The following TBC1D16 variants were observed in gnomAD, a reference collection of about 807,000 sequenced individuals.
The protein encoded by TBC1D16 is CTD-2529O21.1.
In TBC1D16, 58 loss-of-function variants were observed where a neutral mutation model predicts 74.7. The ratio of observed to expected loss-of-function variants is 0.78; its 90% CI spans 0.63 to 0.97. The LOEUF is 0.97. Among genes scored for constraint, TBC1D16 ranks in the 50% least tolerant of loss-of-function variants. The pLI, the probability that TBC1D16 is intolerant of heterozygous loss-of-function variation, is 0.00. For synonymous variants in TBC1D16, 493 were observed against 474.7 expected, an observed-to-expected ratio of 1.04 and a Z score of -0.50; for missense variants, 1,014 against 1,079.5, an observed-to-expected ratio of 0.94 and a Z score of 0.85.
At position 79,944,552 on chromosome 17, in the gene TBC1D16, G is replaced by A. The variant is rs2032342991; in HGVS notation, c.1908+356C>T. Among the ~76,000 whole-genome samples, 1 of 152,192 alleles carries A rather than the reference G, an allele frequency of 6.6e-6. No homozygotes were observed. The highest frequency in any genetic ancestry group is 1.5e-5 in the Non-Finnish European group (1 of 68,038). Reference sequence around the variant, plus strand: ...CCTCGTGGCAGGGCGGTCCCGAGGGGGTGGAGCGGTGCTGGCTCACGCTCG... The same window carrying A: ...CCTCGTGGCAGGGCGGTCCCGAGGGAGTGGAGCGGTGCTGGCTCACGCTCG... On this transcript the variant is annotated intron_variant, in intron 10 of 11. Transcript: ENST00000310924. The surrounding 1 kb of genome is among the most constrained non-coding windows in gnomAD (Gnocchi z 7.7).
At chr17:79,977,225 G>A (rs557131980) in intron 3 of TBC1D16, among the ~76,000 whole-genome samples, 4 of 152,278 alleles carry the variant, frequency 2.6e-5, no homozygotes, top group South Asian at 4.1e-4. Context: ...CTCAGTAAGC[G>A]AAGAGAAGGG....
intron 6 of TBC1D16, 86 bp from the exon 7 acceptor site, chr17:79,949,951 G>A: frequency 6.7e-7 from 1 of 1,486,592 alleles, no homozygotes; most frequent in Non-Finnish European, 9.1e-7. Flanking sequence ...TGTTTTGGTG[G>A]TTTTTGGTGC....
At chr17:79,989,036 T>C (rs1471986709) in intron 3 of TBC1D16, among the ~76,000 whole-genome samples, 1 of 152,158 alleles carries the variant, frequency 6.6e-6, no homozygotes, top group Admixed American at 6.5e-5. Flanking sequence ...AAAAACACCA[T>C]GATTAGGGAA....
chr17:79,941,268 C>T lies in TBC1D16; in HGVS notation c.2056-161G>A, dbSNP rs914869970. Among the ~76,000 whole-genome samples, 3 of 152,202 alleles carry T rather than the reference C, an allele frequency of 2.0e-5. No individual in the cohort carries two copies. The highest frequency in any genetic ancestry group is 2.9e-5 in the Non-Finnish European group (2 of 68,022). ...GGGCTCTGCCTGCATCTCCCACCAT[C>T]ACCGGCACCACGGGGCCCTGGGTCT... is the stretch of plus-strand genomic sequence containing the variant. On this transcript the variant is annotated intron_variant, in intron 11 of 11. Coordinates refer to ENST00000310924, the MANE Select transcript of TBC1D16 (RefSeq NM_019020.4). The surrounding 1 kb of genome is among the most constrained non-coding windows in gnomAD (Gnocchi z 4.3).
rs1003195224 is a variant in TBC1D16, at chr17:80,013,525, C to A, written c.23G>T (p.Arg8Leu). 2 of 1,545,838 alleles carry A rather than the reference C, an allele frequency of 1.3e-6. No individual in the cohort carries two copies. The highest frequency in any genetic ancestry group is 1.4e-5 in the African/African-American group (1 of 73,174). Residue 8 changes from arginine (R) to leucine (L), a missense_variant, in exon 2 of 12, where the codon CGC becomes CTC. By Grantham distance (102) the Arg-to-Leu change is moderately radical. Coordinates refer to ENST00000310924, the MANE Select transcript of TBC1D16 (RefSeq NM_019020.4). ...GTCCGAGGCTTTGGAGGAGGCCCTG[C>A]GAAGGAGGCGGCCCAGAGACATTGC... Reference protein sequence around the residue: MSLGRLLRRASSKASDLL... With the variant: MSLGRLLLRASSKASDLL...
intron 3 of TBC1D16, among the ~76,000 whole-genome samples, chr17:79,970,450 C>A (rs945985233): frequency 6.6e-6 from 1 of 152,186 alleles, no homozygotes; most frequent in Non-Finnish European, 1.5e-5. Flanking sequence ...ACTATGCACC[C>A]GCTCTCTCCC....
chr17:80,029,480 A>G (rs2143403342), intron 1 of TBC1D16, among the ~76,000 whole-genome samples: 1 of 152,296 alleles, frequency 6.6e-6, no homozygotes, highest in South Asian at 2.1e-4. Flanking sequence ...ACAGCCAAAG[A>G]TTTGGTGACT....
intron 3 of TBC1D16, among the ~76,000 whole-genome samples, chr17:79,998,993 C>T (rs901275660): frequency 1.6e-4 from 24 of 152,132 alleles, no homozygotes; most frequent in Admixed American, 9.2e-4. Context: ...CGGTGGCTCA[C>T]GCCTGTAACC....
At chr17:79,960,809 A>AAAAAAAAAAAAAAAAC (rs2033576160) in intron 3 of TBC1D16, among the ~76,000 whole-genome samples, 6 of 136,146 alleles carry the variant, frequency 4.4e-5, no homozygotes, top group Admixed American at 7.2e-5. Flanking sequence ...AAAAAAAAAA[A>AAAAAAAAAAAAAAAAC]CGAAGGAATG....
chr17:80,013,482 G>A lies in TBC1D16; in HGVS notation c.66C>T (p.Pro22=), dbSNP rs35564207. 5.9e-5 allele frequency: 94 copies of A among 1,589,908 alleles called. No homozygotes were observed. Among genetic ancestry groups the A allele is most frequent in the Non-Finnish European group, 7.2e-5 (84 of 1,169,176 alleles). ...AGGGGGACCCGCTGCCGCTGCCACCGGGGGTGAGGGTCAGGAGGTCCGAGG... is the reference window on the plus strand; with the variant it reads ...AGGGGGACCCGCTGCCGCTGCCACCAGGGGTGAGGGTCAGGAGGTCCGAGG... The part of the protein sequence containing the change: ...SKASDLLTLT[P]GGSGSGSPSV... Residue 22 remains proline, a synonymous_variant, in exon 2 of 12, where the codon CCC becomes CCT. Coordinates refer to ENST00000310924, the MANE Select transcript of TBC1D16 (RefSeq NM_019020.4).
Position 79,987,349 on chromosome 17 carries a change from C to A in TBC1D16, c.779+22811G>T, listed in dbSNP as rs981250550. Among the ~76,000 whole-genome samples, 1 of 152,018 alleles carries A rather than the reference C, an allele frequency of 6.6e-6. No individual in the cohort carries two copies. Among genetic ancestry groups the A allele is most frequent in the African/African-American group, 2.4e-5 (1 of 41,378 alleles). On this transcript the variant is annotated intron_variant, in intron 3 of 11. Coordinates refer to ENST00000310924, the MANE Select transcript of TBC1D16 (RefSeq NM_019020.4). The surrounding 1 kb of genome is among the most constrained non-coding windows in gnomAD (Gnocchi z 5.2). ...TCCGCTTCCACCTCTTGGGCTCAAG[C>A]GATCCTCCCACTTCAGCCTCCCGAG...
chr17:79,942,152 C>T lies in TBC1D16; in HGVS notation c.1963G>A (p.Asp655Asn), dbSNP rs755936307. 7 of 1,610,036 alleles carry T rather than the reference C, an allele frequency of 4.3e-6. No individual in the cohort carries two copies. In the African/African-American group the frequency reaches 9.3e-5, roughly 22 times the overall value. ...CVAIVAIYGD[D>N]VIEQQLATDQ... ...GTGGCCAGCTGCTGCTCGATGACGTCATCCCCGTAGATGGCCACGATGGCC... is the reference window on the plus strand; with the variant it reads ...GTGGCCAGCTGCTGCTCGATGACGTTATCCCCGTAGATGGCCACGATGGCC... The change falls in exon 11 of 12, where the codon GAC becomes AAC. Residue 655 changes from aspartate (D) to asparagine (N), a missense_variant. By Grantham distance (23) the Asp-to-Asn change is conservative (BLOSUM62 1). Transcript: ENST00000310924.
At chr17:79,998,443 T>C (rs910059567) in intron 3 of TBC1D16, among the ~76,000 whole-genome samples, 75 of 151,604 alleles carry the variant, frequency 4.9e-4, no homozygotes, top group Non-Finnish European at 9.1e-4. Flanking sequence ...TCCTCCTGCC[T>C]CAGCCCCCCA....
rs553445624 is a variant in TBC1D16, at chr17:80,015,187, T to TG, written c.-62-1579dup. ...ACTCATGCCTGTAATCCAAGCACTT[T>TG]GGGGGGCCGAGGCAGGTGGATCACC... On this transcript the variant is annotated intron_variant, in intron 1 of 11. Coordinates refer to ENST00000310924, the MANE Select transcript of TBC1D16 (RefSeq NM_019020.4). Among the ~76,000 whole-genome samples the TG allele has an allele frequency of 3.9e-3, 596 of 152,164 alleles. 4 individuals carry two copies. The highest frequency in any genetic ancestry group is 6.0e-3 in the Non-Finnish European group (411 of 68,010).
At chr17:80,004,644 T>C (rs1598413902) in intron 3 of TBC1D16, among the ~76,000 whole-genome samples, 1 of 152,330 alleles carries the variant, frequency 6.6e-6, no homozygotes, top group Middle Eastern at 3.4e-3. Flanking sequence ...AATACCACGA[T>C]GAACATCTTC....
intron 3 of TBC1D16, among the ~76,000 whole-genome samples, chr17:79,962,875 A>G (rs2033678033): frequency 6.6e-6 from 1 of 152,090 alleles, no homozygotes; most frequent in Non-Finnish European, 1.5e-5. Flanking sequence ...CAGCCTGACC[A>G]ATATGATGAA....
intron 1 of TBC1D16, among the ~76,000 whole-genome samples, chr17:80,031,738 G>T (rs1440202352): frequency 1.3e-5 from 2 of 152,206 alleles, no homozygotes; most frequent in Non-Finnish European, 2.9e-5. Flanking sequence ...TCAGAGGTGA[G>T]CCTGGATCTG....
At chr17:79,984,843 A>C (rs915438534) in intron 3 of TBC1D16, among the ~76,000 whole-genome samples, 1 of 152,210 alleles carries the variant, frequency 6.6e-6, no homozygotes, top group Non-Finnish European at 1.5e-5. Context: ...ACCTCAGATC[A>C]TAACAGAAAC....
chr17:79,961,885 A>C lies in TBC1D16; in HGVS notation c.780-9067T>G, dbSNP rs1445374322. ...TCTCAAAAAAATAAAAATAAAAATA[A>C]TAAAATAAAATAGATAAGAACTGAA... is the stretch of plus-strand genomic sequence containing the variant. On this transcript the variant is annotated intron_variant, in intron 3 of 11. Coordinates refer to ENST00000310924, the MANE Select transcript of TBC1D16 (RefSeq NM_019020.4). This position sits in a 1 kb window ranked among gnomAD's most constrained non-coding sequence, Gnocchi z 4.8. Among the ~76,000 whole-genome samples, 1 of 152,158 alleles carries C rather than the reference A, an allele frequency of 6.6e-6. No individual in the cohort carries two copies. Among genetic ancestry groups the C allele is most frequent in the Non-Finnish European group, 1.5e-5 (1 of 68,026 alleles).
Sources: allele counts gnomAD v4.1 joint callset (sites outside exome capture counted in the v4.1 genomes callset), GRCh38; gene constraint gnomAD v4.1.1; non-coding constraint Gnocchi (gnomAD v3.1); transcripts MANE v1.5; gene names NCBI Gene and HGNC (gene_info 2026-07-23, HGNC 2026-07-21).